CAPN5: variants seen among roughly 807,000 people sequenced by gnomAD.
CAPN5 encodes calpain 5, also known as calpain-5.
Under a neutral mutation model 73.0 loss-of-function variants are expected in CAPN5, and 54 were observed. The ratio of observed to expected loss-of-function variants is 0.74; its 90% CI spans 0.59 to 0.93. CAPN5 has a LOEUF of 0.93. CAPN5 is among the 40% of genes least tolerant of loss of function. The pLI, the probability that CAPN5 is intolerant of heterozygous loss-of-function variation, is 0.00. For missense variants in CAPN5, 785 were observed against 882.9 expected (o/e 0.89, Z 1.41); for synonymous variants, 335 against 356.9 (o/e 0.94, Z 0.69).
In CAPN5 at chr11:77,124,757, A is replaced by C. The variant is rs1950555975; in HGVS notation, c.*887A>C. On this transcript the variant is annotated 3_prime_UTR_variant, in exon 13 of 13. Transcript: ENST00000648180. Reference sequence around the variant, plus strand: ...GGACCAGAAGGGGAGATGTGCTCCCAGAGCCTCTCTGCTGTAAGACCCCAG... The same window carrying C: ...GGACCAGAAGGGGAGATGTGCTCCCCGAGCCTCTCTGCTGTAAGACCCCAG... The C allele has an allele frequency of 6.6e-6, 1 of 152,294 alleles. No homozygotes were observed. Among genetic ancestry groups the C allele is most frequent in the Non-Finnish European group, 1.5e-5 (1 of 68,112 alleles). 9.4% of individuals were successfully genotyped at this position (152,294 alleles called of 1,614,324 possible).
intron 7 of CAPN5, 34 bp downstream of exon 7, chr11:77,116,337 G>C: frequency 6.4e-7 from 1 of 1,571,574 alleles, no homozygotes. Flanking sequence ...GTCCGGGGCT[G>C]AGGGGGCTTC....
rs1950549735 is a variant in CAPN5, at chr11:77,123,961, G to A, written c.*91G>A. The A allele has an allele frequency of 8.6e-6, 11 of 1,279,634 alleles. No individual in the cohort carries two copies. The highest frequency in any genetic ancestry group is 1.2e-5 in the Non-Finnish European group (11 of 915,730). 79.3% of individuals were successfully genotyped at this position (1,279,634 alleles called of 1,614,324 possible). Reference sequence around the variant, plus strand: ...TCTAGCCTGGGAGCCAGGATACTGGGGTCCTTTTCCCACTCTTCCACTGAC... The same window carrying A: ...TCTAGCCTGGGAGCCAGGATACTGGAGTCCTTTTCCCACTCTTCCACTGAC... On this transcript the variant is annotated 3_prime_UTR_variant, in exon 13 of 13. Coordinates refer to ENST00000648180, the MANE Select transcript of CAPN5 (RefSeq NM_004055.5).
intron 1 of CAPN5, among the ~76,000 whole-genome samples, chr11:77,077,705 G>C (rs1949986420): frequency 6.6e-6 from 1 of 152,006 alleles, no homozygotes; most frequent in Admixed American, 6.6e-5. Context: ...AGTAGAGATG[G>C]GGTTTCGCCA....
chr11:77,078,750 C>G (rs1350369933), intron 1 of CAPN5, among the ~76,000 whole-genome samples: 2 of 150,892 alleles, frequency 1.3e-5, no homozygotes, highest in Non-Finnish European at 3.0e-5. Flanking sequence ...TCTTCAATTT[C>G]TTTCATCAGT....
rs1380607313 is a variant in CAPN5, at chr11:77,098,942, T to G, written c.297+5129T>G. ...CTCCTCACTTCTCAGACGGGGCGGC[T>G]GCCGGGCGGAGGGGCTCCTCACTTC... On this transcript the variant is annotated intron_variant, in intron 3 of 12. Transcript: ENST00000648180. Among the ~76,000 whole-genome samples the G allele has an allele frequency of 7.8e-3, 511 of 65,390 alleles. 2 individuals carry two copies. Among genetic ancestry groups the G allele is most frequent in the Admixed American group, 0.063 (375 of 5,942 alleles). The allele number at this position is 65,390 out of a possible 152,430, so 42.9% of individuals were successfully genotyped here. A position where few individuals can be genotyped will look rare whatever the true frequency, so the allele number is the denominator to read the frequency against.
intron 1 of CAPN5, chr11:77,073,151 C>A (rs186498259): frequency 7.8e-7 from 1 of 1,276,664 alleles, no homozygotes; most frequent in Non-Finnish European, 1.0e-6. Flanking sequence ...GGGTGGCCAC[C>A]GCACTGGGTT....
At chr11:77,123,166 A>C (rs963309411) in intron 12 of CAPN5, among the ~76,000 whole-genome samples, 6 of 152,146 alleles carry the variant, frequency 3.9e-5, no homozygotes, top group African/African-American at 1.4e-4. Context: ...GGGGATGATG[A>C]TTCTGAACTC....
At chr11:77,104,000 G>T (rs946384961) in intron 3 of CAPN5, among the ~76,000 whole-genome samples, 2 of 152,212 alleles carry the variant, frequency 1.3e-5, no homozygotes, top group Non-Finnish European at 2.9e-5. Context: ...GTTACACAGA[G>T]ATCTGTCTCT....
At position 77,097,120 on chromosome 11, in the gene CAPN5, G is replaced by A. The variant is rs1950218127; in HGVS notation, c.297+3307G>A. ...GCCTGTAGTCCCAGCTACTTGGGAG[G>A]CTGAGGCAGGAGAATGGCGTGAACC... is the stretch of plus-strand genomic sequence containing the variant. On this transcript the variant is annotated intron_variant, in intron 3 of 12. Transcript: ENST00000648180. Among the ~76,000 whole-genome samples, 3 of 152,150 alleles carry A rather than the reference G, an allele frequency of 2.0e-5. No individual in the cohort carries two copies. In the South Asian group the frequency reaches 6.2e-4, roughly 32 times the overall value.
intron 1 of CAPN5, among the ~76,000 whole-genome samples, chr11:77,078,321 C>G (rs1377016392): frequency 6.6e-6 from 1 of 152,204 alleles, no homozygotes. Flanking sequence ...GAGAGACTGT[C>G]TTTTCCCCTT....
At chr11:77,115,866 T>C (rs1950462431) in intron 6 of CAPN5, among the ~76,000 whole-genome samples, 1 of 151,928 alleles carries the variant, frequency 6.6e-6, no homozygotes, top group Non-Finnish European at 1.5e-5. Flanking sequence ...CCTGAGCAAA[T>C]GGGGGACTCC....
Position 77,115,356 on chromosome 11 carries a change from T to G in CAPN5, c.700-39T>G, listed in dbSNP as rs1555041513. 4 of 1,543,314 alleles carry G rather than the reference T, an allele frequency of 2.6e-6. No homozygotes were observed. In the South Asian group the frequency reaches 4.8e-5, roughly 19 times the overall value. ...CCTGAGTCCCTGGTCTGGGTTCCAGTGTGGCCCTGCCTCTCTGAGCAACTG... is the reference window on the plus strand; with the variant it reads ...CCTGAGTCCCTGGTCTGGGTTCCAGGGTGGCCCTGCCTCTCTGAGCAACTG... On this transcript the variant is annotated intron_variant, in intron 5 of 12. Coordinates refer to ENST00000648180, the MANE Select transcript of CAPN5 (RefSeq NM_004055.5).
intron 2 of CAPN5, among the ~76,000 whole-genome samples, chr11:77,092,772 G>A (rs770376984): frequency 6.6e-6 from 1 of 152,234 alleles, no homozygotes; most frequent in Non-Finnish European, 1.5e-5. Flanking sequence ...TTTGAGACCA[G>A]CCTGGCCAAC....
chr11:77,118,147 C>G lies in CAPN5; in HGVS notation c.972-10C>G, dbSNP rs781831504. 6.2e-7 allele frequency: 1 copy of G among 1,606,658 alleles called. No individual in the cohort carries two copies. Among genetic ancestry groups the G allele is most frequent in the Non-Finnish European group, 8.5e-7 (1 of 1,175,464 alleles). On this transcript the variant is annotated splice_polypyrimidine_tract_variant and intron_variant, in intron 7 of 12. Transcript: ENST00000648180. ...GGGAGGTACCCTGCTCAGCCCCTCC[C>G]CACATCCAGGATGACCTTCGAGGAC...
chr11:77,074,719 G>C (rs1001169499), intron 1 of CAPN5, among the ~76,000 whole-genome samples: 5 of 152,348 alleles, frequency 3.3e-5, no homozygotes, highest in South Asian at 2.1e-4. Flanking sequence ...GATTGGCAGG[G>C]AATGGGTGAG....
intron 8 of CAPN5, 90 bp from the exon 9 acceptor site, chr11:77,118,940 C>T: frequency 3.5e-6 from 5 of 1,439,790 alleles, no homozygotes; most frequent in African/African-American, 1.4e-5. Flanking sequence ...CTGGTCCAGG[C>T]TCTGGAGTCT....
intron 6 of CAPN5, 36 bp from the exon 7 acceptor site, chr11:77,116,186 TAGAC>T: frequency 6.4e-7 from 1 of 1,566,158 alleles, no homozygotes; most frequent in Non-Finnish European, 8.7e-7. Flanking sequence ...GGCTGCCTCT[TAGAC>T]AGCTCCCTTT....
chr11:77,120,737 AT>A lies in CAPN5; in HGVS notation c.1316del (p.Met439SerfsTer80). ...YKVEENRQYR[M>X]HSLQHKAASS... ...GGTGGAGGAGAACCGCCAGTACCGCATGCACAGCCTGCAGCACAAGGCCGCC... is the reference window on the plus strand; with the variant it reads ...GGTGGAGGAGAACCGCCAGTACCGCAGCACAGCCTGCAGCACAAGGCCGCC... On this transcript the variant is annotated frameshift_variant, in exon 10 of 13. Coordinates refer to ENST00000648180, the MANE Select transcript of CAPN5 (RefSeq NM_004055.5). LOFTEE classifies it high-confidence loss of function. 1 of 1,612,628 alleles carries A rather than the reference AT, an allele frequency of 6.2e-7. No individual in the cohort carries two copies. Among genetic ancestry groups the A allele is most frequent in the East Asian group, 2.2e-5 (1 of 44,860 alleles).
chr11:77,094,265 A>G (rs1487660154), intron 3 of CAPN5, among the ~76,000 whole-genome samples: 3 of 152,146 alleles, frequency 2.0e-5, no homozygotes, highest in African/African-American at 7.2e-5. Flanking sequence ...GGTGATCCCC[A>G]GCTTCATGAC....
Sources: allele counts gnomAD v4.1 joint callset (sites outside exome capture counted in the v4.1 genomes callset), GRCh38; gene constraint gnomAD v4.1.1; transcripts MANE v1.5; gene names NCBI Gene and HGNC (gene_info 2026-07-23, HGNC 2026-07-21).